The following LRP1B variants were observed in gnomAD, a reference collection of about 807,000 sequenced individuals.
LRP1B encodes the protein low-density lipoprotein receptor-related protein 1B.
In LRP1B, 217 loss-of-function variants were observed where a neutral mutation model predicts 556.6. That is an observed-to-expected ratio of 0.39 (90% CI 0.35 to 0.44). The LOEUF (loss-of-function observed/expected upper bound fraction) is 0.44, where lower values mean the gene tolerates loss of function less well. Among genes scored for constraint, LRP1B ranks in the 20% least tolerant of loss-of-function variants. The pLI is 1.00. For synonymous variants in LRP1B, 2,047 were observed against 1,865.8 expected, an observed-to-expected ratio of 1.10 and a Z score of -2.50; for missense variants, 5,053 against 5,620.8, an observed-to-expected ratio of 0.90 and a Z score of 3.23.
intron 83 of LRP1B, among the ~76,000 whole-genome samples, chr2:140,307,665 A>G (rs1684124179): frequency 1.3e-5 from 2 of 151,878 alleles, no homozygotes; most frequent in Non-Finnish European, 2.9e-5. Context: ...TGATTTGGTT[A>G]CATTGTACCT....
chr2:141,929,749 T>C (rs72852511), intron 1 of LRP1B, among the ~76,000 whole-genome samples: 18 of 151,962 alleles, frequency 1.2e-4, no homozygotes, highest in Non-Finnish European at 2.4e-4. Flanking sequence ...AATTACAGTG[T>C]CATCTAAATA....
chr2:141,141,115 A>G (rs1701640886), intron 7 of LRP1B, among the ~76,000 whole-genome samples: 1 of 152,152 alleles, frequency 6.6e-6, no homozygotes, highest in Non-Finnish European at 1.5e-5. Context: ...AAATGCATTA[A>G]TTAAAACGTC....
chr2:142,055,739 C>T (rs1343893241), intron 1 of LRP1B, among the ~76,000 whole-genome samples: 1 of 152,150 alleles, frequency 6.6e-6, no homozygotes, highest in Non-Finnish European at 1.5e-5. Flanking sequence ...CTGCTCATCT[C>T]ACATTTCAAT....
At chr2:140,360,376 G>A (rs1345404540) in intron 72 of LRP1B, among the ~76,000 whole-genome samples, 4 of 151,496 alleles carry the variant, frequency 2.6e-5, no homozygotes, top group African/African-American at 9.7e-5. Context: ...TTTTAGGAAT[G>A]TCTCTTAATT....
intron 21 of LRP1B, among the ~76,000 whole-genome samples, chr2:140,917,126 A>G (rs1157543070): frequency 3.3e-5 from 5 of 152,228 alleles, no homozygotes; most frequent in Non-Finnish European, 7.4e-5. Flanking sequence ...GAAAATGCAA[A>G]TTAAAACAAT....
chr2:140,642,816 C>T (rs1171146944), intron 41 of LRP1B, among the ~76,000 whole-genome samples: 1 of 152,142 alleles, frequency 6.6e-6, no homozygotes, highest in East Asian at 1.9e-4. Context: ...TGCCCTCCAG[C>T]CTGGGCGACA....
intron 43 of LRP1B, among the ~76,000 whole-genome samples, chr2:140,590,556 TTC>T (rs56276353): frequency 2.4e-4 from 36 of 147,318 alleles, no homozygotes; most frequent in East Asian, 8.0e-4. Flanking sequence ...CTAGATCTCT[TTC>T]TCTCTCTCTC....
intron 3 of LRP1B, among the ~76,000 whole-genome samples, chr2:141,263,531 CA>C (rs563268295): frequency 8.5e-5 from 13 of 152,048 alleles, no homozygotes; most frequent in Non-Finnish European, 1.6e-4. Flanking sequence ...CTTTCCCACA[CA>C]AAAATGCTAG....
chr2:140,329,651 A>C (rs1448381290), intron 79 of LRP1B, among the ~76,000 whole-genome samples: 2 of 152,008 alleles, frequency 1.3e-5, no homozygotes, highest in African/African-American at 4.8e-5. Flanking sequence ...CACAGTTGCT[A>C]CAAAGACAAT....
intron 2 of LRP1B, among the ~76,000 whole-genome samples, chr2:141,618,040 G>A (rs1048757827): frequency 7.2e-5 from 11 of 152,122 alleles, no homozygotes; most frequent in African/African-American, 2.4e-4. Flanking sequence ...GCTTGCAAAA[G>A]GTCCAAATCA....
chr2:142,092,397 G>T (rs561567525), intron 1 of LRP1B, among the ~76,000 whole-genome samples: 2 of 152,154 alleles, frequency 1.3e-5, no homozygotes, highest in East Asian at 3.9e-4. Context: ...ATTTGTTGAT[G>T]TGACTACTTC....
At chr2:142,053,702 T>C (rs1220535783) in intron 1 of LRP1B, among the ~76,000 whole-genome samples, 1 of 152,138 alleles carries the variant, frequency 6.6e-6, no homozygotes, top group African/African-American at 2.4e-5. Flanking sequence ...ATTTCTGGAA[T>C]TGTTACAAAA....
rs117992956 is a variant in LRP1B, at chr2:140,676,973, C to T, written c.6799+23277G>A. 1.4e-4 allele frequency among the ~76,000 whole-genome samples: 21 copies of T among 152,206 alleles called. No individual in the cohort carries two copies. The East Asian group carries it at 4.1e-3, about 29-fold the overall frequency. On this transcript the variant is annotated intron_variant, in intron 41 of 90. Transcript: ENST00000389484. ...TATCAAAATATCAATGTGCCAAAAACAAATGAACAATCATTGCAATTTATT... is the reference window on the plus strand; with the variant it reads ...TATCAAAATATCAATGTGCCAAAAATAAATGAACAATCATTGCAATTTATT...
intron 41 of LRP1B, among the ~76,000 whole-genome samples, chr2:140,680,936 T>C (rs564121326): frequency 6.6e-6 from 1 of 152,346 alleles, no homozygotes; most frequent in African/African-American, 2.4e-5. Flanking sequence ...CAAATTATGC[T>C]ATTGATTTTG....
At chr2:141,912,993 T>C (rs915195995) in intron 1 of LRP1B, among the ~76,000 whole-genome samples, 1 of 152,168 alleles carries the variant, frequency 6.6e-6, no homozygotes, top group African/African-American at 2.4e-5. Context: ...AATTTGTATG[T>C]TTTTCTCCTC....
rs144817237 is a variant in LRP1B, at chr2:140,386,009, T to C, written c.10415A>G (p.Asp3472Gly). Reference sequence around the variant, plus strand: ...TTCATGAGGTCCACAAGTCTTTTTATCTGTAATGGAAAGAACCAGAGTTTG... The same window carrying C: ...TTCATGAGGTCCACAAGTCTTTTTACCTGTAATGGAAAGAACCAGAGTTTG... ...CADASDEANCDKKTCGPHEFQ... is the reference protein window; with the variant it reads ...CADASDEANCGKKTCGPHEFQ... The change falls in exon 67 of 91, where the codon GAT (aspartate) becomes GGT (glycine). Residue 3472 changes from aspartate to glycine, a missense_variant and splice_region_variant. Transcript: ENST00000389484. 1.0e-5 allele frequency: 16 copies of C among 1,588,570 alleles called. No individual in the cohort carries two copies. The African/African-American group carries it at 1.7e-4, about 17-fold the overall frequency.
At chr2:140,658,389 CAT>C (rs1237798959) in intron 41 of LRP1B, among the ~76,000 whole-genome samples, 1 of 151,882 alleles carries the variant, frequency 6.6e-6, no homozygotes, top group African/African-American at 2.4e-5. Context: ...CAAAAAAGTT[CAT>C]GTTTTCTAAT....
chr2:141,463,709 C>A (rs1383505362), intron 3 of LRP1B, among the ~76,000 whole-genome samples: 1 of 138,498 alleles, frequency 7.2e-6, no homozygotes, highest in African/African-American at 2.6e-5. Context: ...ATAATGAGAA[C>A]CCCCTATTGG....
intron 2 of LRP1B, among the ~76,000 whole-genome samples, chr2:141,674,470 T>G (rs1690799223): frequency 6.6e-6 from 1 of 152,102 alleles, no homozygotes; most frequent in South Asian, 2.1e-4. Context: ...TCCAAGATTG[T>G]ATTCAATACT....
Sources: gnomAD v4.1 joint callset for allele counts (sites outside exome capture counted in the v4.1 genomes callset) on GRCh38, gnomAD v4.1.1 for gene constraint, MANE v1.5 for transcripts, NCBI Gene and HGNC (gene_info 2026-07-23, HGNC 2026-07-21) for gene names.